The following GRIN2C variants were observed in gnomAD, a reference collection of about 807,000 sequenced individuals.
GRIN2C encodes the protein glutamate ionotropic receptor NMDA type subunit 2C.
GRIN2C carries 64 observed loss-of-function variants against 77.7 expected under a neutral mutation model. The ratio of observed to expected loss-of-function variants is 0.82; its 90% CI spans 0.67 to 1.01. The LOEUF is 1.01. Among genes scored for constraint, GRIN2C ranks in the 50% least tolerant of loss-of-function variants. The probability of loss-of-function intolerance (pLI) is 0.00; values close to 1 mark genes in which losing one functional copy is unlikely to be tolerated. For missense variants in GRIN2C, 1,549 were observed against 1,486.0 expected (o/e 1.04, Z -0.70); for synonymous variants, 792 against 643.4 (o/e 1.23, Z -3.49).
In GRIN2C at chr17:74,852,486, G is replaced by A. The variant is rs758066029; in HGVS notation, c.525C>T (p.His175=). ...CGCGCACGCCCTCCAGGAAGAGCGC[G>A]TGGCCCGGGTGCAGGCTGGTGATGA... is the stretch of plus-strand genomic sequence containing the variant. ...FAVITSLHPG[H]ALFLEGVRAV... The change falls in exon 3 of 13, where the codon CAC becomes CAT. Residue 175 remains histidine (H), a synonymous_variant. Coordinates refer to ENST00000293190, the MANE Select transcript of GRIN2C (RefSeq NM_000835.6). 7 of 1,566,560 alleles carry A rather than the reference G, an allele frequency of 4.5e-6. No individual in the cohort carries two copies. In the South Asian group the frequency reaches 5.8e-5, roughly 13 times the overall value.
chr17:74,853,981 C>G (rs895784142), intron 2 of GRIN2C: 1 of 152,354 alleles, frequency 6.6e-6, no homozygotes, highest in Non-Finnish European at 1.5e-5. Flanking sequence ...GCCTCCTTCT[C>G]CAGGCTTTTC....
chr17:74,844,043 C>T, intron 12 of GRIN2C: 2 of 820,870 alleles, frequency 2.4e-6, no homozygotes, highest in Non-Finnish European at 1.8e-6. Flanking sequence ...CCAGCTAATT[C>T]TTTTATTTTC....
At chr17:74,855,780 C>T (rs1209254606) in intron 1 of GRIN2C, among the ~76,000 whole-genome samples, 1 of 152,158 alleles carries the variant, frequency 6.6e-6, no homozygotes, top group Non-Finnish European at 1.5e-5. Context: ...GTCAGTGTGC[C>T]CTGCTTGCCA....
Position 74,846,806 on chromosome 17 carries a change from A to G in GRIN2C, c.2116T>C (p.Phe706Leu). Reference protein sequence around the residue: ...YRDMHTHMVKFNQRSVEDALT... With the variant: ...YRDMHTHMVKLNQRSVEDALT... Reference sequence around the variant, plus strand: ...GCGTCCTCCACCGAGCGCTGGTTGAACTTGACCATGTGGGTGTGCATGTCA... The same window carrying G: ...GCGTCCTCCACCGAGCGCTGGTTGAGCTTGACCATGTGGGTGTGCATGTCA... Residue 706 changes from phenylalanine to leucine, a missense_variant, in exon 10 of 13, where the codon TTC becomes CTC. Physicochemically the swap from Phe to Leu is conservative, Grantham distance 22 (BLOSUM62 0). Transcript: ENST00000293190. The surrounding 1 kb of genome is among the most constrained non-coding windows in gnomAD (Gnocchi z 4.4). 1 of 1,614,126 alleles carries G rather than the reference A, an allele frequency of 6.2e-7. No individual in the cohort carries two copies. The highest frequency in any genetic ancestry group is 8.5e-7 in the Non-Finnish European group (1 of 1,180,022).
At chr17:74,843,596 C>CTCAGGGACCCGCCACGATTG (rs2037370780) in intron 12 of GRIN2C, 43 bp from the exon 13 acceptor site, 4 of 1,507,742 alleles carry the variant, frequency 2.7e-6, no homozygotes, top group Middle Eastern at 2.4e-4. Flanking sequence ...GCGCCCTCCG[C>CTCAGGGACCCGCCACGATTG]TCAGGGACCC....
chr17:74,852,374 G>C lies in GRIN2C; in HGVS notation c.637C>G (p.Gln213Glu), dbSNP rs2144599517. Residue 213 changes from glutamine (Q) to glutamate (E), a missense_variant, in exon 3 of 13, where the codon CAG (glutamine) becomes GAG (glutamate). Around this residue, in one of 3 missense-constraint regions of GRIN2C, gnomAD observed 382 missense variants for 360.0 expected, o/e 1.06. Coordinates refer to ENST00000293190, the MANE Select transcript of GRIN2C (RefSeq NM_000835.6). ...GCGTCGAGCTGGCGCAGCAGGCGCT[G>C]CGTGCGCGCGCGCGGCCCTCCCGGG... is the stretch of plus-strand genomic sequence containing the variant. ...LGPGGPRART[Q>E]RLLRQLDAPV... 1 of 1,440,292 alleles carries C rather than the reference G, an allele frequency of 6.9e-7. No homozygotes were observed. The highest frequency in any genetic ancestry group is 2.9e-5 in the East Asian group (1 of 34,392). The allele number at this position is 1,440,292 out of a possible 1,614,324, so 89.2% of individuals were successfully genotyped here. A position where few individuals can be genotyped will look rare whatever the true frequency, so the allele number is the denominator to read the frequency against.
At position 74,843,053 on chromosome 17, in the gene GRIN2C, G is replaced by A. The variant is rs775136198; in HGVS notation, c.3084C>T (p.His1028=). ...SERPLSPARC[H]YSSFPRADRS... is the part of the protein sequence containing the mutation. ...GGTCGGCTCGAGGAAAGGAGCTGTAGTGACAGCGCGCGGGCGACAGGGGCC... is the reference window on the plus strand; with the variant it reads ...GGTCGGCTCGAGGAAAGGAGCTGTAATGACAGCGCGCGGGCGACAGGGGCC... The change falls in exon 13 of 13, where the codon CAC becomes CAT. Residue 1028 remains histidine, a synonymous_variant. Transcript: ENST00000293190. The A allele has an allele frequency of 2.1e-6, 1 of 467,888 alleles. No individual in the cohort carries two copies. Among genetic ancestry groups the A allele is most frequent in the South Asian group, 3.7e-5 (1 of 27,114 alleles). The allele number at this position is 467,888 out of a possible 1,614,324, so 29.0% of individuals were successfully genotyped here. A position where few individuals can be genotyped will look rare whatever the true frequency, so the allele number is the denominator to read the frequency against.
Position 74,842,081 on chromosome 17 carries a change from T to C in GRIN2C, c.*354A>G, listed in dbSNP as rs1358648995. On this transcript the variant is annotated 3_prime_UTR_variant, in exon 13 of 13. Transcript: ENST00000293190. ...CTGATGAGAAGAAACTCTAGCCAGG[T>C]AGAGCAAGGATCGGGATGGCCCTGC... 1 of 266,812 alleles carries C rather than the reference T, an allele frequency of 3.7e-6. No individual in the cohort carries two copies. Among genetic ancestry groups the C allele is most frequent in the Non-Finnish European group, 7.1e-6 (1 of 141,070 alleles). 16.5% of individuals were successfully genotyped at this position (266,812 alleles called of 1,614,324 possible). A position where few individuals can be genotyped will look rare whatever the true frequency, so the allele number is the denominator to read the frequency against.
At position 74,843,303 on chromosome 17, in the gene GRIN2C, C is replaced by T; in HGVS notation, c.2834G>A (p.Cys945Tyr). ...TGGGGGCGGGTCGGGGGTGGGCAGGCATGGGCTGGGGCCAGACCGCGGGGT... is the reference window on the plus strand; with the variant it reads ...TGGGGGCGGGTCGGGGGTGGGCAGGTATGGGCTGGGGCCAGACCGCGGGGT... Reference protein sequence around the residue: ...CPTPRSGPSPCLPTPDPPPEP... With the variant: ...CPTPRSGPSPYLPTPDPPPEP... The change falls in exon 13 of 13, where the codon TGC becomes TAC. Residue 945 changes from cysteine (C) to tyrosine (Y), a missense_variant. Around this residue, in one of 3 missense-constraint regions of GRIN2C, gnomAD observed 450 missense variants for 267.9 expected, o/e 1.68. Coordinates refer to ENST00000293190, the MANE Select transcript of GRIN2C (RefSeq NM_000835.6). 2.3e-6 allele frequency: 3 copies of T among 1,310,310 alleles called. No individual in the cohort carries two copies. The highest frequency in any genetic ancestry group is 3.1e-6 in the Non-Finnish European group (3 of 969,600). 81.2% of individuals were successfully genotyped at this position (1,310,310 alleles called of 1,614,324 possible).
Position 74,846,376 on chromosome 17 carries a change from G to A in GRIN2C, c.2163-123C>T. ...GGGCACCCCCGGGAGGGACCAATGGGCAGAGACTTGTCTGGTTCTCTTGGG... is the reference window on the plus strand; with the variant it reads ...GGGCACCCCCGGGAGGGACCAATGGACAGAGACTTGTCTGGTTCTCTTGGG... On this transcript the variant is annotated intron_variant, in intron 10 of 12. Coordinates refer to ENST00000293190, the MANE Select transcript of GRIN2C (RefSeq NM_000835.6). This position sits in a 1 kb window ranked among gnomAD's most constrained non-coding sequence, Gnocchi z 4.4. The A allele has an allele frequency of 1.3e-6, 1 of 765,668 alleles. No individual in the cohort carries two copies. The highest frequency in any genetic ancestry group is 2.2e-6 in the Non-Finnish European group (1 of 463,566). 47.4% of individuals were successfully genotyped at this position (765,668 alleles called of 1,614,324 possible).
Position 74,851,587 on chromosome 17 carries a change from AG to A in GRIN2C, c.1102del (p.Leu368SerfsTer15). On this transcript the variant is annotated frameshift_variant, in exon 4 of 13. Transcript: ENST00000293190. LOFTEE classifies it high-confidence loss of function. ...MVVIALNRHR[L>X]WEMVGRWEHG... ...TCACCCCCTTCTCACCATCTCCCAG[AG>A]GCGGTGCCGGTTGAGGGCGATCACC... 6.4e-7 allele frequency: 1 copy of A among 1,553,498 alleles called. No homozygotes were observed. Among genetic ancestry groups the A allele is most frequent in the Non-Finnish European group, 8.7e-7 (1 of 1,145,796 alleles).
At position 74,850,174 on chromosome 17, in the gene GRIN2C, G is replaced by A; in HGVS notation, c.1491+32C>T. 6.2e-7 allele frequency: 1 copy of A among 1,609,892 alleles called. No individual in the cohort carries two copies. The highest frequency in any genetic ancestry group is 8.5e-7 in the Non-Finnish European group (1 of 1,178,210). ...GCCTGGGCAGCAGGTGGGCAGGCAG[G>A]GCAGGTGAGGAGGGAGTGGGGTGGG... On this transcript the variant is annotated intron_variant, in intron 6 of 12. Coordinates refer to ENST00000293190, the MANE Select transcript of GRIN2C (RefSeq NM_000835.6). This position sits in a 1 kb window ranked among gnomAD's most constrained non-coding sequence, Gnocchi z 5.3.
In GRIN2C at chr17:74,849,861, A is replaced by T. The variant is rs1567893387; in HGVS notation, c.1564T>A (p.Phe522Ile). The change falls in exon 7 of 13, where the codon TTC becomes ATC. Residue 522 changes from phenylalanine to isoleucine, a missense_variant. Around this residue, in one of 3 missense-constraint regions of GRIN2C, gnomAD observed 717 missense variants for 858.1 expected, o/e 0.84. Transcript: ENST00000293190. This position sits in a 1 kb window ranked among gnomAD's most constrained non-coding sequence, Gnocchi z 4.6. The stretch of plus-strand genomic sequence containing the variant: ...CCCGTCTCCACAAAGGGTACAGAGA[A>T]GTCTACGATCTCGGAGCGTTCCTCA... ...INEERSEIVDFSVPFVETGIS... is the reference protein window; with the variant it reads ...INEERSEIVDISVPFVETGIS... 6.2e-7 allele frequency: 1 copy of T among 1,613,602 alleles called. No individual in the cohort carries two copies. The highest frequency in any genetic ancestry group is 8.5e-7 in the Non-Finnish European group (1 of 1,179,842).
In GRIN2C at chr17:74,846,891, A is replaced by T. The variant is rs1225712966; in HGVS notation, c.2031T>A (p.Pro677=). ...KFQRPQDQYP[P]FRFGTVPNGS... is the part of the protein sequence containing the mutation. ...CGTTGGGCACCGTGCCGAAGCGGAA[A>T]GGTGGGTACTGATCTTGAGGCCGCT... is the stretch of plus-strand genomic sequence containing the variant. Residue 677 remains proline (P), a synonymous_variant, in exon 10 of 13, where the codon CCT becomes CCA. Transcript: ENST00000293190. This position sits in a 1 kb window ranked among gnomAD's most constrained non-coding sequence, Gnocchi z 4.4. 2 of 1,613,598 alleles carry T rather than the reference A, an allele frequency of 1.2e-6. No homozygotes were observed. The highest frequency in any genetic ancestry group is 2.7e-5 in the African/African-American group (2 of 74,938).
Position 74,846,728 on chromosome 17 carries a change from T to C in GRIN2C, c.2162+32A>G. The C allele has an allele frequency of 6.2e-7, 1 of 1,602,938 alleles. No individual in the cohort carries two copies. Among genetic ancestry groups the C allele is most frequent in the Non-Finnish European group, 8.5e-7 (1 of 1,173,382 alleles). On this transcript the variant is annotated intron_variant, in intron 10 of 12. Transcript: ENST00000293190. This position sits in a 1 kb window ranked among gnomAD's most constrained non-coding sequence, Gnocchi z 4.4. ...GCTGGTCACTGGGGAGACACACGGATGAAGACAGCGGGTGCAGGGCTGGGG... is the reference window on the plus strand; with the variant it reads ...GCTGGTCACTGGGGAGACACACGGACGAAGACAGCGGGTGCAGGGCTGGGG...
Position 74,850,364 on chromosome 17 carries a change from C to A in GRIN2C, c.1333G>T (p.Asp445Tyr). 6.2e-7 allele frequency: 1 copy of A among 1,611,510 alleles called. No individual in the cohort carries two copies. The highest frequency in any genetic ancestry group is 2.2e-5 in the East Asian group (1 of 44,880). ...RQSNHTFSSG[D>Y]VAPYTKLCCK... ...CAGAGCTTGGTGTAGGGGGCCACGT[C>A]CCCGCTGCTGCAGCCATGCCGCCAT... The change falls in exon 6 of 13, where the codon GAC (aspartate) becomes TAC (tyrosine). Residue 445 changes from aspartate to tyrosine, a missense_variant. By Grantham distance (160) the Asp-to-Tyr change is radical. Coordinates refer to ENST00000293190, the MANE Select transcript of GRIN2C (RefSeq NM_000835.6). The surrounding 1 kb of genome is among the most constrained non-coding windows in gnomAD (Gnocchi z 5.3).
rs992287304 is a variant in GRIN2C at position 74,843,436 on chromosome 17, G to T, written c.2701C>A (p.Arg901Ser). The T allele has an allele frequency of 2.0e-6, 3 of 1,535,686 alleles. No individual in the cohort carries two copies. In the Admixed American group the frequency reaches 5.9e-5, roughly 30 times the overall value. The change falls in exon 13 of 13, where the codon CGC becomes AGC. Residue 901 changes from arginine (R) to serine (S), a missense_variant. By Grantham distance (110) the Arg-to-Ser change is moderately radical. Coordinates refer to ENST00000293190, the MANE Select transcript of GRIN2C (RefSeq NM_000835.6). ...ACGCCCGCCGTGGTCACCATGTCGC[G>T]GGCTGCCTGCAGCATCTTGAGCACG... is the stretch of plus-strand genomic sequence containing the variant. The part of the protein sequence containing the change: ...ASVLKMLQAA[R>S]DMVTTAGVSS...
Position 74,850,032 on chromosome 17 carries a change from G to A in GRIN2C, c.1492-99C>T, listed in dbSNP as rs2144583944. On this transcript the variant is annotated intron_variant, in intron 6 of 12. Coordinates refer to ENST00000293190, the MANE Select transcript of GRIN2C (RefSeq NM_000835.6). The surrounding 1 kb of genome is among the most constrained non-coding windows in gnomAD (Gnocchi z 5.3). ...ACACCCCTTCTAGCACCCACCAGCT[G>A]AGTCAATCATTCCCTCTGGGGCCCT... 2.1e-6 allele frequency: 3 copies of A among 1,410,684 alleles called. No individual in the cohort carries two copies. The highest frequency in any genetic ancestry group is 2.9e-6 in the Non-Finnish European group (3 of 1,025,876). The allele number at this position is 1,410,684 out of a possible 1,614,324, so 87.4% of individuals were successfully genotyped here. A position where few individuals can be genotyped will look rare whatever the true frequency, so the allele number is the denominator to read the frequency against.
In GRIN2C at chr17:74,846,809, T is replaced by C; in HGVS notation, c.2113A>G (p.Lys705Glu). ...TCCTCCACCGAGCGCTGGTTGAACT[T>C]GACCATGTGGGTGTGCATGTCACGG... Reference protein sequence around the residue: ...NYRDMHTHMVKFNQRSVEDAL... With the variant: ...NYRDMHTHMVEFNQRSVEDAL... The change falls in exon 10 of 13, where the codon AAG (lysine) becomes GAG (glutamate). Residue 705 changes from lysine to glutamate, a missense_variant. Transcript: ENST00000293190. This position sits in a 1 kb window ranked among gnomAD's most constrained non-coding sequence, Gnocchi z 4.4. The C allele has an allele frequency of 1.2e-6, 2 of 1,614,140 alleles. No homozygotes were observed. Among genetic ancestry groups the C allele is most frequent in the Non-Finnish European group, 8.5e-7 (1 of 1,180,020 alleles).
Sources: allele counts gnomAD v4.1 joint callset (sites outside exome capture counted in the v4.1 genomes callset), GRCh38; gene constraint gnomAD v4.1.1; regional missense constraint gnomAD v4.1.1; non-coding constraint Gnocchi (gnomAD v3.1); transcripts MANE v1.5; gene names NCBI Gene and HGNC (gene_info 2026-07-23, HGNC 2026-07-21).